The following ASXL3 variants were observed in gnomAD, a reference collection of about 807,000 sequenced individuals.
The protein encoded by ASXL3 is ASXL transcriptional regulator 3, also known as putative Polycomb group protein ASXL3.
Under a neutral mutation model 170.6 loss-of-function variants are expected in ASXL3, and 34 were observed. The observed-to-expected ratio is 0.20, with a 90% confidence interval of 0.15 to 0.27. ASXL3 has a LOEUF of 0.27. Among genes scored for constraint, ASXL3 ranks in the 10% least tolerant of loss-of-function variants. The pLI is 1.00. For missense variants in ASXL3, 2,592 were observed against 2,695.3 expected (o/e 0.96, Z 0.85); for synonymous variants, 1,002 against 989.1 (o/e 1.01, Z -0.24).
intron 2 of ASXL3, among the ~76,000 whole-genome samples, chr18:33,613,474 C>T (rs1301171085): frequency 6.6e-6 from 1 of 151,986 alleles, no homozygotes; most frequent in Non-Finnish European, 1.5e-5. Flanking sequence ...GATTTGATTC[C>T]AGACCATCCC....
At chr18:33,737,574 G>T (rs1479829447) in intron 10 of ASXL3, among the ~76,000 whole-genome samples, 1 of 152,058 alleles carries the variant, frequency 6.6e-6, no homozygotes, top group East Asian at 1.9e-4. Context: ...ATTATTTCTT[G>T]ATTTTCTGTA....
intron 3 of ASXL3, among the ~76,000 whole-genome samples, chr18:33,645,788 C>A (rs1289562043): frequency 6.6e-6 from 1 of 151,562 alleles, no homozygotes; most frequent in African/African-American, 2.4e-5. Context: ...GACAACAAAG[C>A]AGGGATTCTT....
At position 33,745,240 on chromosome 18, in the gene ASXL3, A is replaced by G. The variant is rs2067758515; in HGVS notation, c.5392A>G (p.Ile1798Val). Residue 1798 changes from isoleucine to valine, a missense_variant, in exon 12 of 12, where the codon ATT (isoleucine) becomes GTT (valine). Transcript: ENST00000269197. ...AACAGCACCAGAGAGAAACGTTGAA[A>G]TTCCGCCCAGCTCTCCAAATCCAGA... is the stretch of plus-strand genomic sequence containing the variant. The part of the protein sequence containing the change: ...GKTAPERNVE[I>V]PPSSPNPDGK... The G allele has an allele frequency of 1.2e-6, 2 of 1,614,036 alleles. No individual in the cohort carries two copies. The highest frequency in any genetic ancestry group is 8.5e-7 in the Non-Finnish European group (1 of 1,179,892).
At chr18:33,652,746 A>G (rs138621859) in intron 4 of ASXL3, among the ~76,000 whole-genome samples, 1 of 151,962 alleles carries the variant, frequency 6.6e-6, no homozygotes, top group Non-Finnish European at 1.5e-5. Flanking sequence ...TGATTGTGTG[A>G]TTCTTGGCAG....
At chr18:33,661,843 C>T (rs1246312336) in intron 5 of ASXL3, 106 bp downstream of exon 5, 1 of 1,259,974 alleles carries the variant, frequency 7.9e-7, no homozygotes, top group Non-Finnish European at 1.1e-6. Context: ...AAAGCAGAAT[C>T]TTCCTGAATT....
chr18:33,672,742 T>TAAAC (rs1599475455), intron 7 of ASXL3, among the ~76,000 whole-genome samples: 1 of 152,218 alleles, frequency 6.6e-6, no homozygotes, highest in African/African-American at 2.4e-5. Context: ...ATAATTCTTA[T>TAAAC]TTGCAGAGTG....
chr18:33,656,778 T>A (rs1393131800), intron 4 of ASXL3, among the ~76,000 whole-genome samples: 1 of 152,010 alleles, frequency 6.6e-6, no homozygotes, highest in Non-Finnish European at 1.5e-5. Flanking sequence ...TTAGAATAAT[T>A]TGAGAAAATA....
chr18:33,602,781 C>T (rs1032559094), intron 1 of ASXL3, among the ~76,000 whole-genome samples: 3 of 152,106 alleles, frequency 2.0e-5, no homozygotes, highest in African/African-American at 7.2e-5. Flanking sequence ...CTTCTCTATG[C>T]ATCTCACTGA....
chr18:33,698,674 A>G (rs754876822), intron 8 of ASXL3, among the ~76,000 whole-genome samples: 9 of 152,136 alleles, frequency 5.9e-5, no homozygotes, highest in Non-Finnish European at 1.2e-4. Flanking sequence ...GAATGAGCTT[A>G]CAGAGGAGAC....
chr18:33,585,932 A>G (rs1157621215), intron 1 of ASXL3, among the ~76,000 whole-genome samples: 2 of 152,176 alleles, frequency 1.3e-5, no homozygotes, highest in African/African-American at 4.8e-5. Context: ...CACAATTGGT[A>G]TTTTTGGCAA....
chr18:33,658,066 T>A (rs1599456439), intron 4 of ASXL3, among the ~76,000 whole-genome samples: 2 of 152,106 alleles, frequency 1.3e-5, no homozygotes, highest in African/African-American at 4.8e-5. Flanking sequence ...CAAGAAGATA[T>A]CACTTTCTAA....
chr18:33,649,035 A>G (rs1377438375), intron 4 of ASXL3, among the ~76,000 whole-genome samples: 2 of 152,128 alleles, frequency 1.3e-5, no homozygotes, highest in Non-Finnish European at 2.9e-5. Context: ...ACAAGTGTAG[A>G]CAATTCTTTC....
At chr18:33,664,347 A>G (rs2066223171) in intron 5 of ASXL3, among the ~76,000 whole-genome samples, 2 of 152,274 alleles carry the variant, frequency 1.3e-5, no homozygotes, top group Admixed American at 1.3e-4. Flanking sequence ...GATGCTATCC[A>G]AGAAAATCTA....
intron 8 of ASXL3, among the ~76,000 whole-genome samples, chr18:33,692,438 A>C (rs117914719): frequency 0.029 from 4,399 of 152,100 alleles, 87 homozygotes; most frequent in Non-Finnish European, 0.045. Context: ...GCTTCCTACT[A>C]TCTCTGCAGG....
chr18:33,581,384 G>A (rs2064990795), intron 1 of ASXL3, among the ~76,000 whole-genome samples: 1 of 151,906 alleles, frequency 6.6e-6, no homozygotes, highest in Non-Finnish European at 1.5e-5. Context: ...TGCAATAAAT[G>A]AACTAAAGAG....
At chr18:33,599,271 A>G (rs1029400583) in intron 1 of ASXL3, among the ~76,000 whole-genome samples, 3 of 152,282 alleles carry the variant, frequency 2.0e-5, no homozygotes, top group Middle Eastern at 3.4e-3. Flanking sequence ...TTAGAGCTAA[A>G]TTTCAGCCAG....
chr18:33,698,605 T>C (rs2066814317), intron 8 of ASXL3, among the ~76,000 whole-genome samples: 1 of 152,100 alleles, frequency 6.6e-6, no homozygotes, highest in Non-Finnish European at 1.5e-5. Flanking sequence ...AGAATAGATT[T>C]AGAAGAGGGC....
At chr18:33,706,034 G>C (rs1446127962) in intron 8 of ASXL3, among the ~76,000 whole-genome samples, 1 of 150,622 alleles carries the variant, frequency 6.6e-6, no homozygotes, top group Admixed American at 6.6e-5. Flanking sequence ...ATTTTGTTGT[G>C]TGTAGCAACA....
At chr18:33,579,607 T>C (rs1028150448) in intron 1 of ASXL3, among the ~76,000 whole-genome samples, 1 of 152,180 alleles carries the variant, frequency 6.6e-6, no homozygotes, top group African/African-American at 2.4e-5. Context: ...TTTTCTTTTC[T>C]TTCTTTCTTT....
Sources: gnomAD v4.1 joint callset for allele counts (sites outside exome capture counted in the v4.1 genomes callset) on GRCh38, gnomAD v4.1.1 for gene constraint, MANE v1.5 for transcripts, NCBI Gene and HGNC (gene_info 2026-07-23, HGNC 2026-07-21) for gene names.